Variants in GRM8 observed in about 807,000 individuals in gnomAD.
The protein encoded by GRM8 is glutamate metabotropic receptor 8.
A neutral mutation model predicts 87.2 loss-of-function variants in GRM8; 47 were observed. The ratio of observed to expected loss-of-function variants is 0.54; its 90% CI spans 0.43 to 0.69. The LOEUF (loss-of-function observed/expected upper bound fraction) is 0.69, where lower values mean the gene tolerates loss of function less well. GRM8 is among the 30% of genes least tolerant of loss of function. The pLI, the probability that GRM8 is intolerant of heterozygous loss-of-function variation, is 0.00. For synonymous variants in GRM8, 396 were observed against 404.5 expected (o/e 0.98, Z 0.25); for missense variants, 1,019 against 1,139.2 (o/e 0.89, Z 1.52).
chr7:126,977,406 C>T (rs1355596813), intron 3 of GRM8, among the ~76,000 whole-genome samples: 3 of 152,164 alleles, frequency 2.0e-5, no homozygotes, highest in Non-Finnish European at 4.4e-5. Context: ...CTCAGTCCTA[C>T]GTGTCTGTTA....
intron 3 of GRM8, among the ~76,000 whole-genome samples, chr7:127,001,058 T>C (rs1264410678): frequency 6.6e-6 from 1 of 151,694 alleles, no homozygotes; most frequent in Non-Finnish European, 1.5e-5. Flanking sequence ...CAGCATAGTA[T>C]TGGTGTTAAC....
intron 9 of GRM8, among the ~76,000 whole-genome samples, chr7:126,495,584 G>A (rs1441452644): frequency 6.6e-6 from 1 of 151,912 alleles, no homozygotes; most frequent in Non-Finnish European, 1.5e-5. Context: ...TTGGGTAAGG[G>A]AGTATATGAA....
chr7:127,170,722 A>C (rs1239623603), intron 2 of GRM8, among the ~76,000 whole-genome samples: 1 of 152,210 alleles, frequency 6.6e-6, no homozygotes, highest in African/African-American at 2.4e-5. Flanking sequence ...CCAGTAGTCT[A>C]AGTGAAGTTA....
At chr7:126,456,925 G>A (rs1376469204) in intron 9 of GRM8, among the ~76,000 whole-genome samples, 2 of 151,400 alleles carry the variant, frequency 1.3e-5, no homozygotes, top group African/African-American at 2.4e-5. Context: ...AAAACCGTGG[G>A]CAAACAACAA....
intron 9 of GRM8, among the ~76,000 whole-genome samples, chr7:126,470,792 T>C (rs970413946): frequency 2.0e-5 from 3 of 152,158 alleles, no homozygotes; most frequent in Non-Finnish European, 2.9e-5. Context: ...GTTGAACTAG[T>C]TTACAGTCCC....
At chr7:126,567,955 A>G (rs528133242) in intron 8 of GRM8, among the ~76,000 whole-genome samples, 2 of 152,164 alleles carry the variant, frequency 1.3e-5, no homozygotes, top group Non-Finnish European at 2.9e-5. Flanking sequence ...ATGGTGAATT[A>G]ATTTTAATAG....
At chr7:127,055,750 T>C (rs1477592692) in intron 3 of GRM8, among the ~76,000 whole-genome samples, 1 of 152,042 alleles carries the variant, frequency 6.6e-6, no homozygotes, top group Non-Finnish European at 1.5e-5. Flanking sequence ...GCTCAGATTC[T>C]ACTGTTTCAA....
At chr7:126,738,380 GGGAAGAACA>G (rs1814480218) in intron 7 of GRM8, among the ~76,000 whole-genome samples, 1 of 152,048 alleles carries the variant, frequency 6.6e-6, no homozygotes, top group Admixed American at 6.6e-5. Flanking sequence ...CAATCTAGTG[GGGAAGAACA>G]GGTTTGCAAG....
At chr7:127,118,541 T>G (rs1267538934) in intron 2 of GRM8, among the ~76,000 whole-genome samples, 1 of 152,242 alleles carries the variant, frequency 6.6e-6, no homozygotes, top group Non-Finnish European at 1.5e-5. Context: ...TGCGTACACA[T>G]GTGTACATGT....
intron 6 of GRM8, among the ~76,000 whole-genome samples, chr7:126,787,315 T>C (rs1820720078): frequency 6.6e-6 from 1 of 152,202 alleles, no homozygotes; most frequent in East Asian, 1.9e-4. Flanking sequence ...GTCCCCTTTC[T>C]CAGATTTCTG....
intron 3 of GRM8, among the ~76,000 whole-genome samples, chr7:126,980,731 A>G (rs1811436369): frequency 6.6e-6 from 1 of 152,172 alleles, no homozygotes; most frequent in Admixed American, 6.5e-5. Flanking sequence ...CTCTTGAACT[A>G]TTACCTTTCT....
At chr7:127,073,786 T>A (rs961497325) in intron 3 of GRM8, among the ~76,000 whole-genome samples, 1 of 152,140 alleles carries the variant, frequency 6.6e-6, no homozygotes, top group Admixed American at 6.5e-5. Context: ...ATCCTCTAGA[T>A]TGCAACCAGC....
At chr7:126,840,043 T>G (rs757665417) in intron 6 of GRM8, among the ~76,000 whole-genome samples, 1 of 152,180 alleles carries the variant, frequency 6.6e-6, no homozygotes, top group Admixed American at 6.5e-5. Context: ...TTTAGTTGTT[T>G]TTTCACCACC....
chr7:127,182,893 G>A (rs986352671), intron 2 of GRM8, among the ~76,000 whole-genome samples: 3 of 151,622 alleles, frequency 2.0e-5, no homozygotes, highest in African/African-American at 4.8e-5. Flanking sequence ...TGGGGACTTG[G>A]GGGGAAGAGT....
At chr7:126,658,960 A>G (rs1359723314) in intron 7 of GRM8, among the ~76,000 whole-genome samples, 6 of 152,060 alleles carry the variant, frequency 3.9e-5, no homozygotes, top group Non-Finnish European at 1.5e-5. Flanking sequence ...CGCTACAGTC[A>G]TTTATTCAGT....
At chr7:126,547,386 T>C (rs918320478) in intron 8 of GRM8, among the ~76,000 whole-genome samples, 5 of 152,120 alleles carry the variant, frequency 3.3e-5, no homozygotes, top group African/African-American at 9.6e-5. Context: ...AATAGATGCA[T>C]GAAATAGGAA....
rs17865246 is a variant in GRM8 at position 127,086,336 on chromosome 7, G to A, written c.727+20160C>T. On this transcript the variant is annotated intron_variant, in intron 3 of 10. Transcript: ENST00000339582. Reference sequence around the variant, plus strand: ...AGGATGGTCTCGATCTCCTGACCTCGTGATCTGCCTGCCTCGGCCTCCAAA... The same window carrying A: ...AGGATGGTCTCGATCTCCTGACCTCATGATCTGCCTGCCTCGGCCTCCAAA... Among the ~76,000 whole-genome samples, 148 of 152,290 alleles carry A rather than the reference G, an allele frequency of 9.7e-4. No individual in the cohort carries two copies. The East Asian group carries it at 0.021, about 22-fold the overall frequency.
Position 126,514,351 on chromosome 7 carries a change from G to A in GRM8, c.2430+18601C>T, listed in dbSNP as rs573294518. On this transcript the variant is annotated intron_variant, in intron 9 of 10. Coordinates refer to ENST00000339582, the MANE Select transcript of GRM8 (RefSeq NM_000845.3). ...AGTGAATGCTTAAAATGAAGCAGTG[G>A]GTATGGCTTAAACAATTTGGACTTT... 9.9e-5 allele frequency among the ~76,000 whole-genome samples: 15 copies of A among 152,142 alleles called. No individual in the cohort carries two copies. The South Asian group carries it at 3.1e-3, about 32-fold the overall frequency.
chr7:126,670,497 G>A (rs1431521590), intron 7 of GRM8, among the ~76,000 whole-genome samples: 1 of 152,122 alleles, frequency 6.6e-6, no homozygotes, highest in African/African-American at 2.4e-5. Context: ...AAACTTCTTT[G>A]TCAATTGTGT....
Sources: gnomAD v4.1 joint callset for allele counts (sites outside exome capture counted in the v4.1 genomes callset) on GRCh38, gnomAD v4.1.1 for gene constraint, MANE v1.5 for transcripts, NCBI Gene and HGNC (gene_info 2026-07-23, HGNC 2026-07-21) for gene names.